The following ZFAND1 variants were observed in gnomAD, a reference collection of about 807,000 sequenced individuals.
ZFAND1 encodes zinc finger AN1-type containing 1.
ZFAND1 carries 40 observed loss-of-function variants against 38.5 expected under a neutral mutation model. That is an observed-to-expected ratio of 1.04 (90% confidence interval 0.81 to 1.35). The LOEUF is 1.35. Among genes scored for constraint, ZFAND1 ranks in the 40% most tolerant of loss-of-function variants. The pLI, the probability that ZFAND1 is intolerant of heterozygous loss-of-function variation, is 0.00. For synonymous variants in ZFAND1, 117 were observed against 103.6 expected (o/e 1.13, Z -0.78); for missense variants, 346 against 316.3 (o/e 1.09, Z -0.71).
chr8:81,706,562 T>C (rs1375588852), intron 6 of ZFAND1, among the ~76,000 whole-genome samples: 3 of 151,920 alleles, frequency 2.0e-5, no homozygotes, highest in Non-Finnish European at 4.4e-5. Flanking sequence ...TATTTAATTA[T>C]ATATGTTAAG....
intron 6 of ZFAND1, among the ~76,000 whole-genome samples, chr8:81,707,976 C>A (rs1808030945): frequency 6.6e-6 from 1 of 152,286 alleles, no homozygotes; most frequent in African/African-American, 2.4e-5. Flanking sequence ...AAGCCAGGCG[C>A]AGTGGCTCAC....
intron 6 of ZFAND1, among the ~76,000 whole-genome samples, chr8:81,704,701 TGGGG>T (rs1807922341): frequency 6.6e-6 from 1 of 152,132 alleles, no homozygotes; most frequent in African/African-American, 2.4e-5. Flanking sequence ...CTCTAACTTG[TGGGG>T]GAAAGATCAC....
In ZFAND1 at chr8:81,721,255, G is replaced by C. The variant is rs1808464897; in HGVS notation, c.27C>G (p.His9Gln). 1 of 1,549,306 alleles carries C rather than the reference G, an allele frequency of 6.5e-7. No individual in the cohort carries two copies. Among genetic ancestry groups the C allele is most frequent in the South Asian group, 1.2e-5 (1 of 84,044 alleles). MAELDIGQ[H>Q]CQVEHCRQRD... The stretch of plus-strand genomic sequence containing the variant: ...GCTGCCGGCAATGCTCCACCTGGCA[G>C]TGCTGCCCGATGTCCAACTCCGCCA... The change falls in exon 1 of 8, where the codon CAC (histidine) becomes CAG (glutamine). Residue 9 changes from histidine to glutamine, a missense_variant. By Grantham distance (24) the His-to-Gln change is conservative. Transcript: ENST00000220669.
At chr8:81,703,190 C>T in intron 6 of ZFAND1, 66 bp from the exon 7 acceptor site, 2 of 1,152,314 alleles carry the variant, frequency 1.7e-6, no homozygotes, top group African/African-American at 3.1e-5. Flanking sequence ...TTGTCTGGTG[C>T]CAACCGTTCC....
Position 81,714,842 on chromosome 8 carries a change from C to T in ZFAND1, c.320G>A (p.Arg107Gln), listed in dbSNP as rs749744177. The change falls in exon 5 of 8, where the codon CGA (arginine) becomes CAA (glutamine). Residue 107 changes from arginine (R) to glutamine (Q), a missense_variant. Transcript: ENST00000220669. The part of the protein sequence containing the change: ...ECEKLEIPKP[R>Q]MAATQKLVKD... ...AACAAGTTTCTGAGTGGCAGCCATTCGAGGCTTTGGGATTTCCAGTTTTTC... is the reference window on the plus strand; with the variant it reads ...AACAAGTTTCTGAGTGGCAGCCATTTGAGGCTTTGGGATTTCCAGTTTTTC... The T allele has an allele frequency of 7.4e-6, 12 of 1,614,010 alleles. No homozygotes were observed. The highest frequency in any genetic ancestry group is 3.3e-5 in the Admixed American group (2 of 60,020).
In ZFAND1 at chr8:81,702,469, A is replaced by T; in HGVS notation, c.*226T>A. 1 of 291,680 alleles carries T rather than the reference A, an allele frequency of 3.4e-6. No homozygotes were observed. Among genetic ancestry groups the T allele is most frequent in the Non-Finnish European group, 6.2e-6 (1 of 161,130 alleles). The allele number at this position is 291,680 out of a possible 1,614,324, so 18.1% of individuals were successfully genotyped here. A position where few individuals can be genotyped will look rare whatever the true frequency, so the allele number is the denominator to read the frequency against. On this transcript the variant is annotated 3_prime_UTR_variant, in exon 8 of 8. Transcript: ENST00000220669. ...TTGTCACTACAGCATAAACTAATGA[A>T]AGCTAATTAAATATAAGAATTTGCT...
chr8:81,705,544 T>A (rs1288410623), intron 6 of ZFAND1, among the ~76,000 whole-genome samples: 2 of 152,226 alleles, frequency 1.3e-5, no homozygotes, highest in African/African-American at 2.4e-5. Flanking sequence ...TAAGTTTCTA[T>A]AATCCTCAAT....
At chr8:81,714,951 A>T (rs773269483) in intron 4 of ZFAND1, 36 bp downstream of exon 4, 1 of 1,613,946 alleles carries the variant, frequency 6.2e-7, no homozygotes, top group African/African-American at 1.3e-5. Flanking sequence ...ACTTAAACAG[A>T]TATACAAAGT....
rs1808178197 is a variant in ZFAND1, at chr8:81,712,819, C to T, written c.480+1099G>A. 2.0e-5 allele frequency among the ~76,000 whole-genome samples: 3 copies of T among 152,168 alleles called. No individual in the cohort carries two copies. The South Asian group carries it at 6.2e-4, about 32-fold the overall frequency. ...AATCTCAAATTCAGCATAATTCCTA[C>T]CAAAATCATAATTTCACCGAACAGG... On this transcript the variant is annotated intron_variant, in intron 6 of 7. Transcript: ENST00000220669.
chr8:81,708,461 T>A (rs1378999938), intron 6 of ZFAND1, among the ~76,000 whole-genome samples: 1 of 152,028 alleles, frequency 6.6e-6, no homozygotes, highest in Non-Finnish European at 1.5e-5. Context: ...AGGATTAACA[T>A]CTTTTATAGT....
At chr8:81,715,624 C>T (rs1045301156) in intron 3 of ZFAND1, among the ~76,000 whole-genome samples, 1 of 151,136 alleles carries the variant, frequency 6.6e-6, no homozygotes, top group Non-Finnish European at 1.5e-5. Context: ...AAATACTCCA[C>T]TACAGGAAGA....
intron 1 of ZFAND1, 59 bp from the exon 2 acceptor site, chr8:81,718,283 A>C (rs1808372672): frequency 7.2e-7 from 1 of 1,390,364 alleles, no homozygotes; most frequent in South Asian, 1.5e-5. Context: ...TAGTTTTCTT[A>C]AGCAAGAAGA....
intron 6 of ZFAND1, among the ~76,000 whole-genome samples, chr8:81,708,020 A>AG (rs1808032323): frequency 6.6e-6 from 1 of 152,174 alleles, no homozygotes; most frequent in Non-Finnish European, 1.5e-5. Flanking sequence ...AGGCTGAGGC[A>AG]GGTGGATCAC....
At position 81,714,038 on chromosome 8, in the gene ZFAND1, A is replaced by C. The variant is rs752508716; in HGVS notation, c.360T>G (p.Asp120Glu). 53 of 1,604,012 alleles carry C rather than the reference A, an allele frequency of 3.3e-5. No individual in the cohort carries two copies. In the Middle Eastern group the frequency reaches 8.3e-4, roughly 25 times the overall value. Residue 120 changes from aspartate (D) to glutamate (E), a missense_variant and splice_region_variant, in exon 6 of 8, where the codon GAT (aspartate) becomes GAG (glutamate). Physicochemically the swap from Asp to Glu is conservative, Grantham distance 45. Coordinates refer to ENST00000220669, the MANE Select transcript of ZFAND1 (RefSeq NM_024699.3). ...ATQKLVKDIIDSKTGETASKR... is the reference protein window; with the variant it reads ...ATQKLVKDIIESKTGETASKR... The stretch of plus-strand genomic sequence containing the variant: ...TACTTGCTGTTTCTCCTGTCTTGGA[A>C]TCTAAGAAGTGTAAGCATGTAATCA...
chr8:81,707,193 G>C (rs538754415), intron 6 of ZFAND1, among the ~76,000 whole-genome samples: 1 of 152,298 alleles, frequency 6.6e-6, no homozygotes, highest in East Asian at 1.9e-4. Flanking sequence ...TATTCATTAA[G>C]GATGTTTTGC....
chr8:81,705,051 AGAG>A (rs1807934897), intron 6 of ZFAND1, among the ~76,000 whole-genome samples: 1 of 152,188 alleles, frequency 6.6e-6, no homozygotes, highest in Admixed American at 6.5e-5. Context: ...GGGCTCCAGA[AGAG>A]GAGGAGGTCA....
chr8:81,718,313 T>G, intron 1 of ZFAND1, 89 bp from the exon 2 acceptor site: 5 of 1,085,184 alleles, frequency 4.6e-6, no homozygotes, highest in Non-Finnish European at 6.5e-6. Flanking sequence ...TGGAAAAACT[T>G]CCCATTTTGA....
At chr8:81,713,506 T>G (rs954309443) in intron 6 of ZFAND1, among the ~76,000 whole-genome samples, 1 of 152,152 alleles carries the variant, frequency 6.6e-6, no homozygotes, top group Non-Finnish European at 1.5e-5. Context: ...TATATATATA[T>G]ATTGGGTTGT....
chr8:81,704,744 A>T (rs1807923639), intron 6 of ZFAND1, among the ~76,000 whole-genome samples: 1 of 152,108 alleles, frequency 6.6e-6, no homozygotes, highest in Non-Finnish European at 1.5e-5. Flanking sequence ...TAAATCCAAC[A>T]CAATTCCCAA....
Sources: allele counts gnomAD v4.1 joint callset (sites outside exome capture counted in the v4.1 genomes callset), GRCh38; gene constraint gnomAD v4.1.1; transcripts MANE v1.5; gene names NCBI Gene and HGNC (gene_info 2026-07-23, HGNC 2026-07-21).